MOB1B: variants seen among roughly 807,000 people sequenced by gnomAD.
MOB1B encodes MOB kinase activator 1B, also known as MOB1 Mps One Binder homolog B.
Under a neutral mutation model 24.4 loss-of-function variants are expected in MOB1B, and 19 were observed. The observed-to-expected ratio is 0.78, with a 90% confidence interval of 0.54 to 1.14. The LOEUF is 1.14. MOB1B is among the 50% of genes most tolerant of loss of function. The probability of loss-of-function intolerance (pLI) is 0.00; values close to 1 mark genes in which losing one functional copy is unlikely to be tolerated. For synonymous variants in MOB1B, 76 were observed against 82.1 expected (o/e 0.93, Z 0.40); for missense variants, 243 against 259.6 (o/e 0.94, Z 0.44).
chr4:70,947,429 T>C (rs375071380), intron 1 of MOB1B, among the ~76,000 whole-genome samples: 6 of 151,798 alleles, frequency 4.0e-5, no homozygotes, highest in African/African-American at 1.5e-4. Context: ...CATCCCTGGC[T>C]AGTTGGCTAG....
chr4:70,902,576 CG>C, intron 1 of MOB1B, 26 bp downstream of exon 1: 1 of 1,544,988 alleles, frequency 6.5e-7, no homozygotes. Context: ...CCGCACGCGC[CG>C]GCTTTGTTCG....
At chr4:70,965,524 G>A (rs576278622) in intron 2 of MOB1B, among the ~76,000 whole-genome samples, 2 of 151,222 alleles carry the variant, frequency 1.3e-5, no homozygotes, top group Admixed American at 6.6e-5. Flanking sequence ...GAGGCCGGGC[G>A]CGGTGGCTCA....
intron 1 of MOB1B, among the ~76,000 whole-genome samples, chr4:70,905,512 A>T (rs1195399706): frequency 2.6e-5 from 4 of 151,758 alleles, no homozygotes; most frequent in African/African-American, 9.7e-5. Flanking sequence ...CAAGATGCTG[A>T]GGTTACAGGT....
chr4:70,911,156 C>A (rs1735970441), intron 1 of MOB1B, among the ~76,000 whole-genome samples: 1 of 151,982 alleles, frequency 6.6e-6, no homozygotes, highest in South Asian at 2.1e-4. Flanking sequence ...GGATTTCCAC[C>A]GTGCGTAGAC....
intron 1 of MOB1B, among the ~76,000 whole-genome samples, chr4:70,906,927 A>G (rs1735773417): frequency 6.6e-6 from 1 of 152,194 alleles, no homozygotes; most frequent in Admixed American, 6.5e-5. Flanking sequence ...ATGCAATACA[A>G]TCATGGGGGC....
chr4:70,907,809 T>C (rs867674344), intron 1 of MOB1B, among the ~76,000 whole-genome samples: 1 of 152,084 alleles, frequency 6.6e-6, no homozygotes, highest in Admixed American at 6.6e-5. Context: ...TGAGACTCTG[T>C]CTTAAAAAAT....
intron 1 of MOB1B, among the ~76,000 whole-genome samples, chr4:70,915,398 A>AG: frequency 6.6e-6 from 1 of 152,364 alleles, no homozygotes; most frequent in South Asian, 2.1e-4. Flanking sequence ...GCCCGAGCAT[A>AG]GGGGCTCAAG....
In MOB1B at chr4:70,932,555, A is replaced by G. The variant is rs918626438; in HGVS notation, c.15-26319A>G. On this transcript the variant is annotated intron_variant, in intron 1 of 5. Transcript: ENST00000309395. The stretch of plus-strand genomic sequence containing the variant: ...ACTCTTGCAGCATGCTGGTCTCTCC[A>G]TTTTGTAGATGAGGCAAATAAGGTT... Among the ~76,000 whole-genome samples the G allele has an allele frequency of 5.3e-5, 8 of 152,220 alleles. No individual in the cohort carries two copies. In the East Asian group the frequency reaches 1.5e-3, roughly 29 times the overall value.
Position 70,987,872 on chromosome 4 carries a change from AG to A in MOB1B, c.*5819del, listed in dbSNP as rs1195129900. Reference sequence around the variant, plus strand: ...TCTCTCTTATAATCAAGTAACTAGAAGGGGAAAAATCATCTAAGTTATGAAA... The same window carrying A: ...TCTCTCTTATAATCAAGTAACTAGAAGGGAAAAATCATCTAAGTTATGAAA... On this transcript the variant is annotated 3_prime_UTR_variant, in exon 6 of 6. Coordinates refer to ENST00000309395, the MANE Select transcript of MOB1B (RefSeq NM_173468.4). 1 of 152,624 alleles carries A rather than the reference AG, an allele frequency of 6.6e-6. No individual in the cohort carries two copies. Among genetic ancestry groups the A allele is most frequent in the Non-Finnish European group, 1.5e-5 (1 of 68,014 alleles). 9.5% of individuals were successfully genotyped at this position (152,624 alleles called of 1,614,324 possible).
At chr4:70,920,455 C>T (rs897191576) in intron 1 of MOB1B, among the ~76,000 whole-genome samples, 2 of 152,214 alleles carry the variant, frequency 1.3e-5, no homozygotes, top group African/African-American at 4.8e-5. Flanking sequence ...GTACTCCTGA[C>T]CTCAGGTGAT....
chr4:70,957,462 C>G (rs1738114325), intron 1 of MOB1B, among the ~76,000 whole-genome samples: 1 of 150,634 alleles, frequency 6.6e-6, no homozygotes, highest in Admixed American at 6.6e-5. Flanking sequence ...AGAGGCAGGC[C>G]TCATTCTGTT....
At chr4:70,921,206 A>G (rs564899488) in intron 1 of MOB1B, among the ~76,000 whole-genome samples, 2 of 152,218 alleles carry the variant, frequency 1.3e-5, no homozygotes, top group East Asian at 3.9e-4. Flanking sequence ...TCACATAATG[A>G]ATATTTTATT....
At chr4:70,914,946 ATG>A (rs1283265251) in intron 1 of MOB1B, among the ~76,000 whole-genome samples, 1 of 152,152 alleles carries the variant, frequency 6.6e-6, no homozygotes, top group Non-Finnish European at 1.5e-5. Context: ...TGTGACAGTA[ATG>A]TGTTTTTTTC....
chr4:70,965,834 G>C (rs927835557), intron 2 of MOB1B, among the ~76,000 whole-genome samples: 2 of 136,110 alleles, frequency 1.5e-5, no homozygotes, highest in African/African-American at 5.5e-5. Flanking sequence ...AGTTGTAAGA[G>C]AATGTTGTGA....
intron 1 of MOB1B, among the ~76,000 whole-genome samples, chr4:70,943,550 T>A (rs1017449215): frequency 2.0e-5 from 3 of 152,108 alleles, no homozygotes; most frequent in South Asian, 4.1e-4. Context: ...AGTAACTTTT[T>A]AAAAAAAATC....
At chr4:70,941,253 A>G (rs1055526288) in intron 1 of MOB1B, among the ~76,000 whole-genome samples, 3 of 151,826 alleles carry the variant, frequency 2.0e-5, no homozygotes, top group Admixed American at 6.6e-5. Context: ...GCCCCTTTAG[A>G]CATGAAATAT....
At chr4:70,912,394 T>C (rs1390854860) in intron 1 of MOB1B, among the ~76,000 whole-genome samples, 1 of 151,664 alleles carries the variant, frequency 6.6e-6, no homozygotes, top group Non-Finnish European at 1.5e-5. Context: ...ATTCACCTGC[T>C]TCAGCCTCCC....
At chr4:70,981,909 T>A in intron 5 of MOB1B, 71 bp from the exon 6 acceptor site, 1 of 994,104 alleles carries the variant, frequency 1.0e-6, no homozygotes, top group East Asian at 2.4e-5. Context: ...ATGTTCATGG[T>A]AATTTACTTT....
Position 70,983,648 on chromosome 4 carries a change from A to G in MOB1B, c.*1591A>G, listed in dbSNP as rs1245285388. On this transcript the variant is annotated 3_prime_UTR_variant, in exon 6 of 6. Transcript: ENST00000309395. ...TTGCTCTGAAATAGTATAGATTAAA[A>G]ACACTCAGTAGAAAAGAATCTAAAA... is the stretch of plus-strand genomic sequence containing the variant. 4 of 152,588 alleles carry G rather than the reference A, an allele frequency of 2.6e-5. No individual in the cohort carries two copies. The highest frequency in any genetic ancestry group is 2.6e-4 in the Admixed American group (4 of 15,268). The allele number at this position is 152,588 out of a possible 1,614,324, so 9.5% of individuals were successfully genotyped here.
Sources: gnomAD v4.1 joint callset for allele counts (sites outside exome capture counted in the v4.1 genomes callset) on GRCh38, gnomAD v4.1.1 for gene constraint, MANE v1.5 for transcripts, NCBI Gene and HGNC (gene_info 2026-07-23, HGNC 2026-07-21) for gene names.